Variants in ADAMTS6 observed in about 807,000 individuals in gnomAD.
The protein encoded by ADAMTS6 is ADAM metallopeptidase with thrombospondin type 1 motif 6.
In ADAMTS6, 23 loss-of-function variants were observed where a neutral mutation model predicts 144.3. The ratio of observed to expected loss-of-function variants is 0.16; its 90% CI spans 0.11 to 0.23. The LOEUF is 0.23. ADAMTS6 is among the 10% of genes least tolerant of loss of function. The pLI, the probability that ADAMTS6 is intolerant of heterozygous loss-of-function variation, is 1.00. For missense variants in ADAMTS6, 999 were observed against 1,379.6 expected, an observed-to-expected ratio of 0.72 and a Z score of 4.37; for synonymous variants, 444 against 457.5, an observed-to-expected ratio of 0.97 and a Z score of 0.38.
At chr5:65,400,946 C>T (rs1753866437) in intron 7 of ADAMTS6, among the ~76,000 whole-genome samples, 1 of 152,152 alleles carries the variant, frequency 6.6e-6, no homozygotes, top group African/African-American at 2.4e-5. Flanking sequence ...CTCATCTGTG[C>T]TTGCATGCTG....
At chr5:65,242,496 C>T (rs1759276809) in intron 14 of ADAMTS6, among the ~76,000 whole-genome samples, 2 of 152,068 alleles carry the variant, frequency 1.3e-5, no homozygotes, top group South Asian at 4.1e-4. Context: ...TCAGGTATCT[C>T]CTTATAAAGA....
chr5:65,311,351 G>C (rs1417923466), intron 9 of ADAMTS6, among the ~76,000 whole-genome samples: 1 of 152,118 alleles, frequency 6.6e-6, no homozygotes, highest in Non-Finnish European at 1.5e-5. Flanking sequence ...TTACTATACA[G>C]AGACTGAGAG....
At chr5:65,423,120 A>G (rs1756213119) in intron 7 of ADAMTS6, among the ~76,000 whole-genome samples, 1 of 152,226 alleles carries the variant, frequency 6.6e-6, no homozygotes, top group African/African-American at 2.4e-5. Flanking sequence ...TAAGCAATGG[A>G]TATGCAAAGG....
At position 65,240,467 on chromosome 5, in the gene ADAMTS6, T is replaced by C. The variant is rs1465552658; in HGVS notation, c.1933+1637A>G. 2.0e-5 allele frequency among the ~76,000 whole-genome samples: 3 copies of C among 152,180 alleles called. No individual in the cohort carries two copies. In the South Asian group the frequency reaches 6.2e-4, roughly 32 times the overall value. ...CTGCAAAGGACTATAATGACTTTTA[T>C]GGACTGAATGTTTGTGTCCCCCCAA... On this transcript the variant is annotated intron_variant, in intron 15 of 24. Coordinates refer to ENST00000381055, the MANE Select transcript of ADAMTS6 (RefSeq NM_197941.4).
At chr5:65,242,273 C>CTTGCT in intron 14 of ADAMTS6, 67 bp from the exon 15 acceptor site, 1 of 1,145,628 alleles carries the variant, frequency 8.7e-7, no homozygotes, top group Non-Finnish European at 1.2e-6. Flanking sequence ...GACAATGTCC[C>CTTGCT]TAAAATGAAC....
chr5:65,364,327 G>A (rs1750095904), intron 7 of ADAMTS6, among the ~76,000 whole-genome samples: 1 of 152,106 alleles, frequency 6.6e-6, no homozygotes, highest in Non-Finnish European at 1.5e-5. Flanking sequence ...ATCAGAGTTA[G>A]CCAGAATAAA....
intron 14 of ADAMTS6, among the ~76,000 whole-genome samples, 186 bp from the exon 15 acceptor site, chr5:65,242,392 T>C (rs1018321759): frequency 1.3e-5 from 2 of 152,230 alleles, no homozygotes; most frequent in Non-Finnish European, 2.9e-5. Flanking sequence ...ATCTTAACTA[T>C]AGAAGATATA....
chr5:65,460,484 C>T (rs567081326), intron 3 of ADAMTS6, 146 bp from the exon 4 acceptor site: 1 of 725,034 alleles, frequency 1.4e-6, no homozygotes, highest in South Asian at 2.0e-5. Flanking sequence ...ATTATCTGTA[C>T]TCAATTAAAA....
At chr5:65,266,712 G>A (rs1315865763) in intron 12 of ADAMTS6, among the ~76,000 whole-genome samples, 3 of 151,812 alleles carry the variant, frequency 2.0e-5, no homozygotes, top group Non-Finnish European at 3.0e-5. Flanking sequence ...ATAGTTCAAC[G>A]CATACATACC....
intron 7 of ADAMTS6, among the ~76,000 whole-genome samples, chr5:65,407,407 A>G (rs1340160263): frequency 6.6e-6 from 1 of 151,644 alleles, no homozygotes; most frequent in Non-Finnish European, 1.5e-5. Context: ...TTACATATGT[A>G]TACATGTGCC....
At chr5:65,355,752 TATTAAC>T (rs1397550297) in intron 7 of ADAMTS6, among the ~76,000 whole-genome samples, 1 of 152,004 alleles carries the variant, frequency 6.6e-6, no homozygotes, top group South Asian at 2.1e-4. Flanking sequence ...ATTTTAATTA[TATTAAC>T]ATTATCAGCT....
At chr5:65,434,347 A>G (rs1757221213) in intron 7 of ADAMTS6, among the ~76,000 whole-genome samples, 1 of 152,186 alleles carries the variant, frequency 6.6e-6, no homozygotes. Context: ...CTATGAATAA[A>G]CTAAAAAACC....
chr5:65,235,967 G>T (rs575013597), intron 15 of ADAMTS6, among the ~76,000 whole-genome samples: 3 of 152,292 alleles, frequency 2.0e-5, no homozygotes. Context: ...TATTAAGTCT[G>T]TAAATTATTT....
At chr5:65,302,107 AAT>A (rs1200317185) in intron 9 of ADAMTS6, among the ~76,000 whole-genome samples, 344 of 34,074 alleles carry the variant, frequency 0.01, 8 homozygotes, top group African/African-American at 0.031. Context: ...AAAAAAAAAA[AAT>A]ATATATATAT....
chr5:65,185,395 T>C (rs2112159719), intron 22 of ADAMTS6, among the ~76,000 whole-genome samples: 1 of 152,234 alleles, frequency 6.6e-6, no homozygotes, highest in African/African-American at 2.4e-5. Flanking sequence ...ATGACAGTGG[T>C]AAAGATGGTG....
At chr5:65,259,222 A>ATATAT (rs200053496) in intron 14 of ADAMTS6, among the ~76,000 whole-genome samples, 17 of 144,370 alleles carry the variant, frequency 1.2e-4, no homozygotes, top group African/African-American at 4.3e-4. Flanking sequence ...TATATATATA[A>ATATAT]AATTAGCCAG....
At chr5:65,445,431 G>A (rs1373777084) in intron 7 of ADAMTS6, among the ~76,000 whole-genome samples, 1 of 152,078 alleles carries the variant, frequency 6.6e-6, no homozygotes, top group Admixed American at 6.5e-5. Context: ...TCCGCCTCTC[G>A]GGTTCAAGCG....
intron 12 of ADAMTS6, among the ~76,000 whole-genome samples, chr5:65,268,631 CAATCCTTG>C (rs1761816079): frequency 6.6e-6 from 1 of 152,168 alleles, no homozygotes; most frequent in Non-Finnish European, 1.5e-5. Context: ...GGTTCTTATT[CAATCCTTG>C]AATGGCTTAT....
chr5:65,274,637 C>T (rs1472780861), intron 11 of ADAMTS6, among the ~76,000 whole-genome samples: 1 of 152,008 alleles, frequency 6.6e-6, no homozygotes, highest in African/African-American at 2.4e-5. Flanking sequence ...AGGGTGCCTC[C>T]TACCAGGCAG....
Sources: allele counts gnomAD v4.1 joint callset (sites outside exome capture counted in the v4.1 genomes callset), GRCh38; gene constraint gnomAD v4.1.1; transcripts MANE v1.5; gene names NCBI Gene and HGNC (gene_info 2026-07-23, HGNC 2026-07-21).